Variants in TFAP2E observed in about 807,000 individuals in gnomAD.
TFAP2E encodes transcription factor AP-2-epsilon.
Under a neutral mutation model 37.9 loss-of-function variants are expected in TFAP2E, and 30 were observed. The observed-to-expected ratio is 0.79, with a 90% confidence interval of 0.59 to 1.07. The LOEUF (loss-of-function observed/expected upper bound fraction) is 1.07, where lower values mean the gene tolerates loss of function less well. Ranked by LOEUF, TFAP2E falls within the 50% of genes least tolerant of loss-of-function variation. The pLI, the probability that TFAP2E is intolerant of heterozygous loss-of-function variation, is 0.00. For synonymous variants in TFAP2E, 318 were observed against 295.8 expected (o/e 1.08, Z -0.77); for missense variants, 567 against 637.9 (o/e 0.89, Z 1.20).
At chr1:35,593,653 G>A (rs535238395) in intron 6 of TFAP2E, among the ~76,000 whole-genome samples, 2 of 152,202 alleles carry the variant, frequency 1.3e-5, no homozygotes, top group South Asian at 2.1e-4. Flanking sequence ...GGCTCACCTC[G>A]TTCACTTATC....
In TFAP2E at chr1:35,574,978, A is replaced by C; in HGVS notation, c.540A>C (p.Leu180=). 1 of 1,614,002 alleles carries C rather than the reference A, an allele frequency of 6.2e-7. No homozygotes were observed. The highest frequency in any genetic ancestry group is 8.5e-7 in the Non-Finnish European group (1 of 1,179,996). Residue 180 remains leucine, a synonymous_variant, in exon 3 of 7, where the codon CTA becomes CTC. Transcript: ENST00000373235. ...QAMDEPGMSL[L]DQSVIKKVPI... The stretch of plus-strand genomic sequence containing the variant: ...TGGACGAGCCGGGAATGAGCCTCCT[A>C]GACCAGTCCGTGATCAAGAAAGGTA...
chr1:35,573,838 T>G lies in TFAP2E; in HGVS notation c.28-89T>G. On this transcript the variant is annotated intron_variant, in intron 1 of 6. Transcript: ENST00000373235. The surrounding 1 kb of genome is among the most constrained non-coding windows in gnomAD (Gnocchi z 5.9). ...CCCAAGAAACGGGAGGGACTGCAGC[T>G]GAACCCTCCCGAGCTGAGGAGGATC... The G allele has an allele frequency of 7.2e-7, 1 of 1,390,350 alleles. No individual in the cohort carries two copies. Among genetic ancestry groups the G allele is most frequent in the Non-Finnish European group, 9.3e-7 (1 of 1,075,372 alleles). The allele number at this position is 1,390,350 out of a possible 1,614,324, so 86.1% of individuals were successfully genotyped here. A position where few individuals can be genotyped will look rare whatever the true frequency, so the allele number is the denominator to read the frequency against.
chr1:35,586,898 G>A (rs1388372016), intron 3 of TFAP2E, among the ~76,000 whole-genome samples: 1 of 152,230 alleles, frequency 6.6e-6, no homozygotes, highest in Non-Finnish European at 1.5e-5. Context: ...ATTGCCAAGT[G>A]GCTGGAAGGC....
At chr1:35,594,352 A>G in intron 6 of TFAP2E, 42 bp from the exon 7 acceptor site, 1 of 1,595,224 alleles carries the variant, frequency 6.3e-7, no homozygotes, top group Non-Finnish European at 8.5e-7. Flanking sequence ...CTCTGGGCTC[A>G]GACTTTTGTC....
chr1:35,575,298 C>A (rs1403919649), intron 3 of TFAP2E, among the ~76,000 whole-genome samples: 1 of 152,218 alleles, frequency 6.6e-6, no homozygotes, highest in Non-Finnish European at 1.5e-5. Flanking sequence ...ATTTGCAGAA[C>A]GAGTTAAACC....
At chr1:35,592,621 G>C (rs146091913) in intron 6 of TFAP2E, among the ~76,000 whole-genome samples, 1 of 152,074 alleles carries the variant, frequency 6.6e-6, no homozygotes, top group African/African-American at 2.4e-5. Context: ...TCAAACTCCC[G>C]ACCTCACATG....
chr1:35,576,375 T>C (rs1044920299), intron 3 of TFAP2E, among the ~76,000 whole-genome samples: 4 of 152,154 alleles, frequency 2.6e-5, no homozygotes, highest in African/African-American at 9.7e-5. Flanking sequence ...AGGAACCTGG[T>C]TGCAGCGCAG....
intron 3 of TFAP2E, among the ~76,000 whole-genome samples, chr1:35,587,903 T>C: frequency 6.6e-6 from 1 of 151,424 alleles, no homozygotes; most frequent in Non-Finnish European, 1.5e-5. Flanking sequence ...TGAGGTGGGG[T>C]GGGAGGGCAG....
chr1:35,593,212 G>A (rs934881259), intron 6 of TFAP2E, among the ~76,000 whole-genome samples: 42 of 152,074 alleles, frequency 2.8e-4, no homozygotes, highest in Admixed American at 6.5e-5. Flanking sequence ...GTGATGGTGC[G>A]CACCTGTAGT....
chr1:35,593,766 C>A (rs1233651092), intron 6 of TFAP2E, among the ~76,000 whole-genome samples: 1 of 152,164 alleles, frequency 6.6e-6, no homozygotes, highest in Non-Finnish European at 1.5e-5. Flanking sequence ...CTTGCCTGAG[C>A]CACACACAGG....
chr1:35,594,728 T>G lies in TFAP2E; in HGVS notation c.*52T>G, dbSNP rs1323656239. On this transcript the variant is annotated 3_prime_UTR_variant, in exon 7 of 7. Transcript: ENST00000373235. ...GGCTCCCAGGCCCTGAAATAGGGACTTAGCTCTTGGGGGTGGGCCTGGAAG... is the reference window on the plus strand; with the variant it reads ...GGCTCCCAGGCCCTGAAATAGGGACGTAGCTCTTGGGGGTGGGCCTGGAAG... 3 of 1,608,576 alleles carry G rather than the reference T, an allele frequency of 1.9e-6. No individual in the cohort carries two copies. In the African/African-American group the frequency reaches 4.0e-5, roughly 22 times the overall value.
chr1:35,594,797 A>T lies in TFAP2E; in HGVS notation c.*121A>T. 1.4e-6 allele frequency: 2 copies of T among 1,429,272 alleles called. No homozygotes were observed. Among genetic ancestry groups the T allele is most frequent in the Non-Finnish European group, 1.9e-6 (2 of 1,061,290 alleles). 88.5% of individuals were successfully genotyped at this position (1,429,272 alleles called of 1,614,324 possible). A position where few individuals can be genotyped will look rare whatever the true frequency, so the allele number is the denominator to read the frequency against. On this transcript the variant is annotated 3_prime_UTR_variant, in exon 7 of 7. Coordinates refer to ENST00000373235, the MANE Select transcript of TFAP2E (RefSeq NM_178548.4). ...GAGTCAGGCCAGAAAGAGAACATTC[A>T]TCCAGAGATCCCAGAGTTGGGGATC...
In TFAP2E at chr1:35,574,929, C is replaced by T. The variant is rs757121686; in HGVS notation, c.511-20C>T. 1 of 1,613,774 alleles carries T rather than the reference C, an allele frequency of 6.2e-7. No individual in the cohort carries two copies. The highest frequency in any genetic ancestry group is 8.5e-7 in the Non-Finnish European group (1 of 1,180,008). On this transcript the variant is annotated intron_variant, in intron 2 of 6. Transcript: ENST00000373235. ...GCTAGGGCTTTATGCGCCCTCACCG[C>T]TGCCCTCTGCTATTTGCAGGCAATG...
Position 35,574,200 on chromosome 1 carries a change from G to A in TFAP2E, c.301G>A (p.Ala101Thr). The change falls in exon 2 of 7, where the codon GCC (alanine) becomes ACC (threonine). Residue 101 changes from alanine to threonine, a missense_variant. By Grantham distance (58) the Ala-to-Thr change is moderately conservative. Coordinates refer to ENST00000373235, the MANE Select transcript of TFAP2E (RefSeq NM_178548.4). The part of the protein sequence containing the change: ...AQPQPPQAAW[A>T]APRAAARAHE... ...GCCGCAGCCTCCTCAGGCCGCCTGG[G>A]CCGCGCCCCGCGCAGCCGCCCGCGC... The A allele has an allele frequency of 7.8e-7, 1 of 1,287,534 alleles. No individual in the cohort carries two copies. Among genetic ancestry groups the A allele is most frequent in the Non-Finnish European group, 9.8e-7 (1 of 1,017,514 alleles). The allele number at this position is 1,287,534 out of a possible 1,614,324, so 79.8% of individuals were successfully genotyped here. A position where few individuals can be genotyped will look rare whatever the true frequency, so the allele number is the denominator to read the frequency against.
At position 35,574,345 on chromosome 1, in the gene TFAP2E, G is replaced by T. The variant is rs777699959; in HGVS notation, c.446G>T (p.Gly149Val). ...CACGGCCTGGCCGACGGCGCGCACG[G>T]CCTGGCAGACGCACCTCTCGGCCTT... is the stretch of plus-strand genomic sequence containing the variant. ...LLHGLADGAH[G>V]LADAPLGLPG... Residue 149 changes from glycine (G) to valine (V), a missense_variant, in exon 2 of 7, where the codon GGC becomes GTC. Physicochemically the swap from Gly to Val is moderately radical, Grantham distance 109. Transcript: ENST00000373235. 9 of 1,449,566 alleles carry T rather than the reference G, an allele frequency of 6.2e-6. No individual in the cohort carries two copies. The highest frequency in any genetic ancestry group is 8.1e-6 in the Non-Finnish European group (9 of 1,113,192). The allele number at this position is 1,449,566 out of a possible 1,614,324, so 89.8% of individuals were successfully genotyped here. A position where few individuals can be genotyped will look rare whatever the true frequency, so the allele number is the denominator to read the frequency against.
At chr1:35,575,205 G>C (rs980224145) in intron 3 of TFAP2E, among the ~76,000 whole-genome samples, 1 of 152,232 alleles carries the variant, frequency 6.6e-6, no homozygotes, top group Admixed American at 6.5e-5. Flanking sequence ...GGGCCTCAGC[G>C]GATCAGCATT....
chr1:35,583,699 G>T (rs1649411937), intron 3 of TFAP2E, among the ~76,000 whole-genome samples: 1 of 151,844 alleles, frequency 6.6e-6, no homozygotes, highest in Admixed American at 6.6e-5. Flanking sequence ...AGCTTCAGGA[G>T]TCACCACAGG....
chr1:35,594,306 A>G (rs1649766404), intron 6 of TFAP2E, 88 bp from the exon 7 acceptor site: 4 of 1,502,290 alleles, frequency 2.7e-6, no homozygotes, highest in East Asian at 2.3e-5. Flanking sequence ...TTGTGTAGCT[A>G]ATGTCTGTAA....
At position 35,594,865 on chromosome 1, in the gene TFAP2E, T is replaced by G; in HGVS notation, c.*189T>G. ...GGGTGGCCTCTCTGTGGTGGTGTGT[T>G]GGTAAGTTAAGGGCCCAGGTATTTG... On this transcript the variant is annotated 3_prime_UTR_variant, in exon 7 of 7. Transcript: ENST00000373235. 4 of 798,736 alleles carry G rather than the reference T, an allele frequency of 5.0e-6. No individual in the cohort carries two copies. The highest frequency in any genetic ancestry group is 7.7e-6 in the Non-Finnish European group (4 of 516,436). 49.5% of individuals were successfully genotyped at this position (798,736 alleles called of 1,614,324 possible).
Sources: allele counts gnomAD v4.1 joint callset (sites outside exome capture counted in the v4.1 genomes callset), GRCh38; gene constraint gnomAD v4.1.1; non-coding constraint Gnocchi (gnomAD v3.1); transcripts MANE v1.5; gene names NCBI Gene and HGNC (gene_info 2026-07-23, HGNC 2026-07-21).